SLC9C2: variants seen among roughly 807,000 people sequenced by gnomAD.
SLC9C2 encodes the protein solute carrier family 9 member C2 (putative), also known as sodium/hydrogen exchanger 11.
Under a neutral mutation model 140.2 loss-of-function variants are expected in SLC9C2, and 75 were observed. That is an observed-to-expected ratio of 0.53 (90% CI 0.44 to 0.65). The LOEUF (loss-of-function observed/expected upper bound fraction) is 0.65. Ranked by LOEUF, SLC9C2 falls within the 30% of genes least tolerant of loss-of-function variation. The pLI is 0.00. For synonymous variants in SLC9C2, 375 were observed against 420.9 expected (o/e 0.89, Z 1.34); for missense variants, 1,074 against 1,331.8 (o/e 0.81, Z 3.01).
intron 21 of SLC9C2, among the ~76,000 whole-genome samples, chr1:173,522,205 G>A (rs1290345500): frequency 1.5e-5 from 2 of 136,320 alleles, no homozygotes; most frequent in African/African-American, 5.9e-5. Context: ...CTGGGCGACA[G>A]AGTGAGACTC....
intron 13 of SLC9C2, among the ~76,000 whole-genome samples, chr1:173,540,079 A>G: frequency 6.6e-6 from 1 of 152,208 alleles, no homozygotes; most frequent in East Asian, 1.9e-4. Flanking sequence ...CTGGAACTTA[A>G]GAGGCTTTGT....
chr1:173,534,736 G>T, intron 15 of SLC9C2, 54 bp from the exon 16 acceptor site: 1 of 1,282,122 alleles, frequency 7.8e-7, no homozygotes. Flanking sequence ...ATTAGCAGCT[G>T]AAGTTCAATA....
intron 8 of SLC9C2, among the ~76,000 whole-genome samples, chr1:173,575,390 T>G (rs1570813): frequency 0.54 from 81,711 of 151,824 alleles, 23,915 homozygotes; most frequent in East Asian, 0.97. Context: ...AATTTATAAT[T>G]ATGTCAACAG....
At chr1:173,514,894 T>G (rs1204818425) in intron 23 of SLC9C2, among the ~76,000 whole-genome samples, 1 of 152,146 alleles carries the variant, frequency 6.6e-6, no homozygotes, top group African/African-American at 2.4e-5. Flanking sequence ...AGAATTTTAT[T>G]TCTCCTTTTT....
intron 13 of SLC9C2, among the ~76,000 whole-genome samples, chr1:173,544,400 A>C (rs908446244): frequency 2.6e-5 from 4 of 152,212 alleles, no homozygotes; most frequent in African/African-American, 9.7e-5. Flanking sequence ...ATGCTCTTAC[A>C]CTGTTGGTGG....
At chr1:173,582,837 C>T (rs556007060) in intron 6 of SLC9C2, among the ~76,000 whole-genome samples, 2 of 152,294 alleles carry the variant, frequency 1.3e-5, no homozygotes, top group South Asian at 4.1e-4. Flanking sequence ...GTTCTGCTTT[C>T]ACTCTGAGAC....
intron 17 of SLC9C2, among the ~76,000 whole-genome samples, chr1:173,532,148 G>T (rs1661623706): frequency 6.6e-6 from 1 of 152,212 alleles, no homozygotes; most frequent in Non-Finnish European, 1.5e-5. Context: ...AAACTGGATA[G>T]TCAAACAATT....
At position 173,509,553 on chromosome 1, in the gene SLC9C2, A is replaced by C; in HGVS notation, c.3039+15T>G. Reference sequence around the variant, plus strand: ...TAAAAATTCAATTTATTAATATTTTAATCACATAACTTACCTCATCAATAA... The same window carrying C: ...TAAAAATTCAATTTATTAATATTTTCATCACATAACTTACCTCATCAATAA... On this transcript the variant is annotated intron_variant, in intron 24 of 27. Coordinates refer to ENST00000367714, the MANE Select transcript of SLC9C2 (RefSeq NM_178527.4). 6.7e-7 allele frequency: 1 copy of C among 1,498,076 alleles called. No homozygotes were observed. The allele number at this position is 1,498,076 out of a possible 1,614,324, so 92.8% of individuals were successfully genotyped here.
At chr1:173,508,005 C>T (rs1659778116) in intron 24 of SLC9C2, among the ~76,000 whole-genome samples, 1 of 152,158 alleles carries the variant, frequency 6.6e-6, no homozygotes, top group Non-Finnish European at 1.5e-5. Flanking sequence ...TCAGTCTAAA[C>T]ATCTCCACCC....
chr1:173,600,018 C>T (rs1666693136), intron 3 of SLC9C2, 99 bp downstream of exon 3: 1 of 720,930 alleles, frequency 1.4e-6, no homozygotes, highest in Non-Finnish European at 2.2e-6. Context: ...TAGCTGTTCC[C>T]ATAAGAAAAA....
intron 13 of SLC9C2, among the ~76,000 whole-genome samples, chr1:173,539,693 C>T (rs550386557): frequency 2.7e-4 from 41 of 152,118 alleles, no homozygotes; most frequent in Non-Finnish European, 5.1e-4. Flanking sequence ...GAACAGTGGA[C>T]AGAGTTAATT....
At chr1:173,584,709 T>G (rs576345963) in intron 5 of SLC9C2, among the ~76,000 whole-genome samples, 1 of 152,314 alleles carries the variant, frequency 6.6e-6, no homozygotes, top group East Asian at 1.9e-4. Context: ...CTTTCATTAT[T>G]ATCAAATTTA....
intron 23 of SLC9C2, among the ~76,000 whole-genome samples, chr1:173,514,029 T>TAGATTGCA (rs1278100982): frequency 6.6e-6 from 1 of 152,232 alleles, no homozygotes; most frequent in Admixed American, 6.5e-5. Flanking sequence ...AGAGACAGTT[T>TAGATTGCA]GTTATGATTT....
chr1:173,596,477 A>G (rs1341987941), intron 4 of SLC9C2: 4 of 152,160 alleles, frequency 2.6e-5, no homozygotes, highest in African/African-American at 9.6e-5. Context: ...ATAGGTACAC[A>G]GTGGTATCTC....
At chr1:173,540,332 C>A (rs1662293194) in intron 13 of SLC9C2, among the ~76,000 whole-genome samples, 2 of 152,210 alleles carry the variant, frequency 1.3e-5, no homozygotes, top group East Asian at 3.8e-4. Flanking sequence ...GGATTGCCAA[C>A]ACACAGAACC....
chr1:173,589,549 G>C (rs1666042765), intron 4 of SLC9C2, among the ~76,000 whole-genome samples: 1 of 151,888 alleles, frequency 6.6e-6, no homozygotes, highest in African/African-American at 2.4e-5. Flanking sequence ...GACAGAGCTA[G>C]ACTCTGTCTC....
At chr1:173,529,175 G>T (rs888184957) in intron 18 of SLC9C2, among the ~76,000 whole-genome samples, 4 of 152,184 alleles carry the variant, frequency 2.6e-5, no homozygotes, top group African/African-American at 9.6e-5. Context: ...TCAATTGAAA[G>T]ATTCTCACTG....
intron 23 of SLC9C2, among the ~76,000 whole-genome samples, chr1:173,517,255 T>C (rs1397283598): frequency 6.6e-6 from 1 of 152,234 alleles, no homozygotes. Flanking sequence ...TTTACGTAGA[T>C]GTTTTCCTAA....
intron 13 of SLC9C2, among the ~76,000 whole-genome samples, chr1:173,543,535 C>G (rs1662599227): frequency 6.6e-6 from 1 of 152,168 alleles, no homozygotes; most frequent in Non-Finnish European, 1.5e-5. Flanking sequence ...AAAAAAGAGT[C>G]TGCCTTGCCA....
Sources: gnomAD v4.1 joint callset for allele counts (sites outside exome capture counted in the v4.1 genomes callset) on GRCh38, gnomAD v4.1.1 for gene constraint, MANE v1.5 for transcripts, NCBI Gene and HGNC (gene_info 2026-07-23, HGNC 2026-07-21) for gene names.